Variants in LIN7C observed in about 807,000 individuals in gnomAD.
The protein encoded by LIN7C is lin-7 cell polarity scaffold C, also known as protein lin-7 homolog C.
LIN7C carries 17 observed loss-of-function variants against 24.7 expected under a neutral mutation model. That is an observed-to-expected ratio of 0.69 (90% confidence interval 0.47 to 1.03). The LOEUF (loss-of-function observed/expected upper bound fraction) is 1.03, where lower values mean the gene tolerates loss of function less well. Among genes scored for constraint, LIN7C ranks in the 50% least tolerant of loss-of-function variants. The pLI, the probability that LIN7C is intolerant of heterozygous loss-of-function variation, is 0.00. For synonymous variants in LIN7C, 90 were observed against 83.4 expected (o/e 1.08, Z -0.43); for missense variants, 204 against 239.0 (o/e 0.85, Z 0.97).
At chr11:27,498,945 T>C (rs1179463297) in intron 4 of LIN7C, 141 bp from the exon 5 acceptor site, 1 of 736,782 alleles carries the variant, frequency 1.4e-6, no homozygotes, top group African/African-American at 1.8e-5. Context: ...TAAGAAATAA[T>C]CCTGCCTTAC....
intron 1 of LIN7C, among the ~76,000 whole-genome samples, chr11:27,505,197 C>T (rs377315064): frequency 6.6e-6 from 1 of 152,018 alleles, no homozygotes; most frequent in South Asian, 2.1e-4. Flanking sequence ...CCGGGTTTGG[C>T]GGCGTTCGCC....
intron 4 of LIN7C, among the ~76,000 whole-genome samples, chr11:27,499,058 A>C (rs1865196502): frequency 6.6e-6 from 1 of 152,156 alleles, no homozygotes; most frequent in African/African-American, 2.4e-5. Context: ...TATATGCCTT[A>C]TTATTTCAGT....
chr11:27,498,838 A>T, intron 4 of LIN7C, 34 bp from the exon 5 acceptor site: 1 of 1,580,804 alleles, frequency 6.3e-7, no homozygotes, highest in Non-Finnish European at 8.6e-7. Context: ...CCATACACTA[A>T]TATCTAAGTT....
intron 1 of LIN7C, 134 bp downstream of exon 1, chr11:27,506,582 C>G: frequency 1.0e-6 from 1 of 955,062 alleles, no homozygotes; most frequent in Non-Finnish European, 1.6e-6. Context: ...ACAGAGACAA[C>G]GGCGGCCTCT....
intron 1 of LIN7C, among the ~76,000 whole-genome samples, chr11:27,506,354 A>T (rs1001422200): frequency 2.6e-5 from 4 of 152,194 alleles, no homozygotes; most frequent in Non-Finnish European, 5.9e-5. Flanking sequence ...CAATGAGTGT[A>T]GTCTGTGCGA....
chr11:27,501,902 T>C lies in LIN7C; in HGVS notation c.56A>G (p.Glu19Gly), dbSNP rs1865229704. 1 of 1,602,844 alleles carries C rather than the reference T, an allele frequency of 6.2e-7. No homozygotes were observed. Among genetic ancestry groups the C allele is most frequent in the Non-Finnish European group, 8.5e-7 (1 of 1,170,026 alleles). Reference protein sequence around the residue: ...RLERDICRAIELLEKLQRSGE... With the variant: ...RLERDICRAIGLLEKLQRSGE... ...ACTCCTTTGTAGTTTTTCCAATAAT[T>C]CAATTGCTCTACAAATATCTAGAGT... Residue 19 changes from glutamate (E) to glycine (G), a missense_variant, in exon 2 of 5, where the codon GAA becomes GGA. Transcript: ENST00000278193.
Position 27,498,770 on chromosome 11 carries a change from T to C in LIN7C, c.473A>G (p.Glu158Gly). 1 of 1,614,040 alleles carries C rather than the reference T, an allele frequency of 6.2e-7. No individual in the cohort carries two copies. Among genetic ancestry groups the C allele is most frequent in the Non-Finnish European group, 8.5e-7 (1 of 1,179,960 alleles). Residue 158 changes from glutamate (E) to glycine (G), a missense_variant, in exon 5 of 5, where the codon GAA becomes GGA. Physicochemically the swap from Glu to Gly is moderately conservative, Grantham distance 98. Coordinates refer to ENST00000278193, the MANE Select transcript of LIN7C (RefSeq NM_018362.4). ...CTTTCCTTGTGCGGCTTTCAGCAGT[T>C]CTACAGCTTTTTCATGATGTTCTCC... is the stretch of plus-strand genomic sequence containing the variant. ...VEGEHHEKAV[E>G]LLKAAQGKVK...
Position 27,501,935 on chromosome 11 carries a change from A to T in LIN7C, c.38-15T>A, listed in dbSNP as rs974166778. On this transcript the variant is annotated splice_polypyrimidine_tract_variant and intron_variant, in intron 1 of 4. Transcript: ENST00000278193. ...TCTACAAATATCTAGAGTTAAACAC[A>T]CACACAGATAATTTTCTCCAAGGGT... The T allele has an allele frequency of 6.8e-7, 1 of 1,474,632 alleles. No individual in the cohort carries two copies. Among genetic ancestry groups the T allele is most frequent in the East Asian group, 2.3e-5 (1 of 44,232 alleles). 91.3% of individuals were successfully genotyped at this position (1,474,632 alleles called of 1,614,324 possible).
intron 1 of LIN7C, among the ~76,000 whole-genome samples, 189 bp downstream of exon 1, chr11:27,506,527 C>T (rs1865301766): frequency 6.6e-6 from 1 of 152,164 alleles, no homozygotes; most frequent in South Asian, 2.1e-4. Flanking sequence ...GGAGGGCTTA[C>T]GGTTAACAGA....
At chr11:27,502,597 T>C (rs1179372261) in intron 1 of LIN7C, among the ~76,000 whole-genome samples, 1 of 152,092 alleles carries the variant, frequency 6.6e-6, no homozygotes, top group African/African-American at 2.4e-5. Context: ...ATAAAAACAA[T>C]TAGCTTTATC....
intron 4 of LIN7C, 106 bp downstream of exon 4, chr11:27,499,253 C>G: frequency 2.4e-6 from 2 of 847,074 alleles, no homozygotes; most frequent in Admixed American, 4.5e-5. Flanking sequence ...AGGATTCCCT[C>G]AAGGCATTTC....
intron 2 of LIN7C, 52 bp from the exon 3 acceptor site, chr11:27,501,618 G>GAAGTTAAAATTTCAGGCC (rs67138756): frequency 1.4e-5 from 17 of 1,213,814 alleles, no homozygotes; most frequent in Non-Finnish European, 3.3e-6. Flanking sequence ...AGTTCTCTGT[G>GAAGTTAAAATTTCAGGCC]AAGTTAAAAT....
chr11:27,504,890 T>C (rs972869324), intron 1 of LIN7C, among the ~76,000 whole-genome samples: 3 of 152,160 alleles, frequency 2.0e-5, no homozygotes, highest in Non-Finnish European at 4.4e-5. Context: ...ATGGAACCCA[T>C]GGATATGGAG....
Position 27,501,505 on chromosome 11 carries a change from G to A in LIN7C, c.218C>T (p.Ala73Val), listed in dbSNP as rs1227866445. Reference protein sequence around the residue: ...ISSSPEVRANATAKATVAAFA... With the variant: ...ISSSPEVRANVTAKATVAAFA... ...AACAAAAAAATTTACCTTTGCAGTA[G>A]CGTTCGCTCTCACTTCAGGACTGCT... is the stretch of plus-strand genomic sequence containing the variant. Residue 73 changes from alanine (A) to valine (V), a missense_variant, in exon 3 of 5, where the codon GCT (alanine) becomes GTT (valine). Ala to Val is a moderately conservative substitution (Grantham distance 64). Around this residue, in one of 3 missense-constraint regions of LIN7C, gnomAD observed 126 missense variants for 117.8 expected, o/e 1.07. Coordinates refer to ENST00000278193, the MANE Select transcript of LIN7C (RefSeq NM_018362.4). 2.5e-6 allele frequency: 4 copies of A among 1,596,976 alleles called. No homozygotes were observed. Among genetic ancestry groups the A allele is most frequent in the Non-Finnish European group, 2.6e-6 (3 of 1,174,150 alleles).
rs1422084302 is a variant in LIN7C, at chr11:27,496,536, C to T, written c.*2113G>A. On this transcript the variant is annotated 3_prime_UTR_variant, in exon 5 of 5. Transcript: ENST00000278193. The stretch of plus-strand genomic sequence containing the variant: ...AAACTGCATTAATGAAAACAACCTA[C>T]TGCTATTCATGCTCAACAGTAGCAA... 6.6e-6 allele frequency: 1 copy of T among 152,194 alleles called. No individual in the cohort carries two copies. The highest frequency in any genetic ancestry group is 2.4e-5 in the African/African-American group (1 of 41,462). 9.4% of individuals were successfully genotyped at this position (152,194 alleles called of 1,614,324 possible).
Position 27,498,355 on chromosome 11 carries a change from A to G in LIN7C, c.*294T>C. On this transcript the variant is annotated 3_prime_UTR_variant, in exon 5 of 5. Coordinates refer to ENST00000278193, the MANE Select transcript of LIN7C (RefSeq NM_018362.4). ...TAAAAGTACATTTTAATATTAAAAA[A>G]GCATTTTAAAAAATCTATAACAACT... 1 of 242,260 alleles carries G rather than the reference A, an allele frequency of 4.1e-6. No homozygotes were observed. The highest frequency in any genetic ancestry group is 2.2e-5 in the African/African-American group (1 of 44,996). The allele number at this position is 242,260 out of a possible 1,614,324, so 15.0% of individuals were successfully genotyped here.
intron 3 of LIN7C, among the ~76,000 whole-genome samples, chr11:27,500,917 ATTAAT>A (rs569799894): frequency 2.6e-4 from 39 of 152,324 alleles, no homozygotes; most frequent in African/African-American, 7.7e-4. Context: ...TCTGCTGATG[ATTAAT>A]TTAAGTCACC....
Position 27,506,710 on chromosome 11 carries a change from A to C in LIN7C, c.37+6T>G, listed in dbSNP as rs1447937462. 4.3e-6 allele frequency: 7 copies of C among 1,613,558 alleles called. No homozygotes were observed. The highest frequency in any genetic ancestry group is 1.6e-4 in the Middle Eastern group (1 of 6,082). ...CCCACCTCCGCCGAGCCTCGGCTGC[A>C]CTCACCTCTCTCCAGCCGCACGGGT... On this transcript the variant is annotated splice_donor_region_variant and intron_variant, in intron 1 of 4. Transcript: ENST00000278193.
Position 27,496,671 on chromosome 11 carries a change from CT to C in LIN7C, c.*1977del, listed in dbSNP as rs1865173780. On this transcript the variant is annotated 3_prime_UTR_variant, in exon 5 of 5. Coordinates refer to ENST00000278193, the MANE Select transcript of LIN7C (RefSeq NM_018362.4). Reference sequence around the variant, plus strand: ...TGGATTACCGTAGGGAAAAAAATAGCTTACTCAACTTACTAAAAGTTTCAAC... The same window carrying C: ...TGGATTACCGTAGGGAAAAAAATAGCTACTCAACTTACTAAAAGTTTCAAC... The C allele has an allele frequency of 6.6e-6, 1 of 152,084 alleles. No homozygotes were observed. Among genetic ancestry groups the C allele is most frequent in the South Asian group, 2.1e-4 (1 of 4,824 alleles). The allele number at this position is 152,084 out of a possible 1,614,324, so 9.4% of individuals were successfully genotyped here.
Sources: allele counts gnomAD v4.1 joint callset (sites outside exome capture counted in the v4.1 genomes callset), GRCh38; gene constraint gnomAD v4.1.1; regional missense constraint gnomAD v4.1.1; transcripts MANE v1.5; gene names NCBI Gene and HGNC (gene_info 2026-07-23, HGNC 2026-07-21).